TCF7L2: variants seen among roughly 807,000 people sequenced by gnomAD.
The protein encoded by TCF7L2 is transcription factor 7-like 2.
TCF7L2 carries 23 observed loss-of-function variants against 77.9 expected under a neutral mutation model. The observed-to-expected ratio is 0.30, with a 90% CI of 0.21 to 0.42. The LOEUF is 0.42. Ranked by LOEUF, TCF7L2 falls within the 10% of genes least tolerant of loss-of-function variation. The pLI is 1.00. For missense variants in TCF7L2, 654 were observed against 793.1 expected (o/e 0.82, Z 2.11); for synonymous variants, 413 against 340.2 (o/e 1.21, Z -2.36).
At chr10:113,113,570 T>C (rs554962475) in intron 5 of TCF7L2, among the ~76,000 whole-genome samples, 40 of 152,322 alleles carry the variant, frequency 2.6e-4, no homozygotes, top group African/African-American at 8.4e-4. Flanking sequence ...CTTAGAACAG[T>C]GTTCACCCCC....
chr10:113,130,238 A>G (rs767453214), intron 5 of TCF7L2, among the ~76,000 whole-genome samples: 60 of 152,218 alleles, frequency 3.9e-4, no homozygotes, highest in Admixed American at 6.5e-5. Flanking sequence ...CACTTTCATC[A>G]CAGTCCTTAC....
rs753482285 is a variant in TCF7L2 at position 113,132,217 on chromosome 10, AG to A, written c.553-8964del. 2.6e-5 allele frequency: 4 copies of A among 152,294 alleles called. No homozygotes were observed. The East Asian group carries it at 7.7e-4, about 29-fold the overall frequency. 9.4% of individuals were successfully genotyped at this position (152,294 alleles called of 1,614,324 possible). ...CTCTTGGCTTACCTCCTCTTTTTCT[AG>A]GGAGAAGATTTACCTGATCAGTGAA... On this transcript the variant is annotated intron_variant, in intron 5 of 13. Transcript: ENST00000627217.
chr10:113,151,160 G>A lies in TCF7L2; in HGVS notation c.1001+37G>A, dbSNP rs370554631. 9.3e-6 allele frequency: 15 copies of A among 1,613,346 alleles called. No individual in the cohort carries two copies. Among genetic ancestry groups the A allele is most frequent in the East Asian group, 2.2e-5 (1 of 44,868 alleles). On this transcript the variant is annotated intron_variant, in intron 9 of 13. Transcript: ENST00000627217. This position sits in a 1 kb window ranked among gnomAD's most constrained non-coding sequence, Gnocchi z 5.2. Reference sequence around the variant, plus strand: ...TGTTTTTCTCACCTTCTTCGTAGCCGCAGTGTTCTGCAAGCCTGTTGCAGC... The same window carrying A: ...TGTTTTTCTCACCTTCTTCGTAGCCACAGTGTTCTGCAAGCCTGTTGCAGC...
intron 3 of TCF7L2, among the ~76,000 whole-genome samples, chr10:112,962,979 A>G (rs1218974688): frequency 6.6e-6 from 1 of 152,180 alleles, no homozygotes; most frequent in East Asian, 1.9e-4. Context: ...TTTTAGGGCA[A>G]TGTGGTTCAT....
chr10:113,155,874 A>C (rs1167620900), intron 11 of TCF7L2, among the ~76,000 whole-genome samples: 1 of 152,224 alleles, frequency 6.6e-6, no homozygotes, highest in African/African-American at 2.4e-5. Flanking sequence ...CTTCATGATA[A>C]AGCACATGAG....
rs536330530 is a variant in TCF7L2 at position 113,143,165 on chromosome 10, G to T, written c.686-758G>T. Among the ~76,000 whole-genome samples, 3 of 152,352 alleles carry T rather than the reference G, an allele frequency of 2.0e-5. No individual in the cohort carries two copies. The East Asian group carries it at 5.8e-4, about 29-fold the overall frequency. ...GCTCCTGTGGAACTGGCAGATGTGC[G>T]GTGGCACGTACTTGCAGAATCCGCT... On this transcript the variant is annotated intron_variant, in intron 6 of 13. Transcript: ENST00000627217.
At chr10:113,148,839 C>T (rs1055924951) in intron 8 of TCF7L2, among the ~76,000 whole-genome samples, 3 of 152,090 alleles carry the variant, frequency 2.0e-5, no homozygotes, top group Admixed American at 6.5e-5. Flanking sequence ...GGAATATACG[C>T]GTAGGTATGG....
intron 5 of TCF7L2, among the ~76,000 whole-genome samples, chr10:113,106,413 G>A (rs11196229): frequency 0.19 from 28,504 of 152,108 alleles, 3,324 homozygotes; most frequent in Admixed American, 0.25. Context: ...GGCCACCTCC[G>A]ATTCAAGGGA....
At chr10:113,078,309 A>G (rs1290007985) in intron 5 of TCF7L2, among the ~76,000 whole-genome samples, 1 of 152,176 alleles carries the variant, frequency 6.6e-6, no homozygotes, top group African/African-American at 2.4e-5. Flanking sequence ...GGAACCAGAC[A>G]TTGGGTAAAG....
At chr10:113,161,654 CG>C in intron 13 of TCF7L2, 1 of 1,527,194 alleles carries the variant, frequency 6.5e-7, no homozygotes, top group Non-Finnish European at 8.8e-7. Context: ...GTGCCTCCCT[CG>C]TCACGTGTCC....
intron 5 of TCF7L2, among the ~76,000 whole-genome samples, chr10:113,121,421 C>T (rs2064753875): frequency 6.6e-6 from 1 of 152,194 alleles, no homozygotes; most frequent in Non-Finnish European, 1.5e-5. Flanking sequence ...TCTTTGAGCG[C>T]CAGCACTGTG....
chr10:113,085,957 C>T (rs749604102), intron 5 of TCF7L2, among the ~76,000 whole-genome samples: 8 of 152,316 alleles, frequency 5.3e-5, no homozygotes, highest in East Asian at 1.9e-4. Flanking sequence ...CTGCCAGTGG[C>T]GGTGACAGGG....
chr10:113,102,127 A>C (rs1029079976), intron 5 of TCF7L2, among the ~76,000 whole-genome samples: 4 of 146,776 alleles, frequency 2.7e-5, no homozygotes, highest in Admixed American at 6.9e-5. Context: ...AAAAAAAAAA[A>C]AAAAAAAAAA....
At chr10:113,159,984 C>T (rs2072857274) in intron 12 of TCF7L2, 1 of 1,613,886 alleles carries the variant, frequency 6.2e-7, no homozygotes, top group South Asian at 1.1e-5. Flanking sequence ...ACTGGTGCGG[C>T]CCTTGCAGGT....
chr10:112,951,282 GC>G lies in TCF7L2; in HGVS notation c.256+13del. On this transcript the variant is annotated intron_variant, in intron 2 of 13. Transcript: ENST00000627217. ...GGAAAGTTTGGAAGAAGGTGAGTAC[GC>G]CCCGCGCGCCCCGCAGCCGCCCGGA... is the stretch of plus-strand genomic sequence containing the variant. 7.2e-7 allele frequency: 1 copy of G among 1,380,046 alleles called. No individual in the cohort carries two copies. The highest frequency in any genetic ancestry group is 1.5e-5 in the South Asian group (1 of 67,226). 85.5% of individuals were successfully genotyped at this position (1,380,046 alleles called of 1,614,324 possible). A position where few individuals can be genotyped will look rare whatever the true frequency, so the allele number is the denominator to read the frequency against.
chr10:113,086,003 C>T (rs1412133876), intron 5 of TCF7L2, among the ~76,000 whole-genome samples: 1 of 152,176 alleles, frequency 6.6e-6, no homozygotes, highest in Non-Finnish European at 1.5e-5. Context: ...GGGGCAATTC[C>T]AGCAGGTGGG....
chr10:113,013,846 A>C (rs1404476083), intron 4 of TCF7L2, among the ~76,000 whole-genome samples: 1 of 152,086 alleles, frequency 6.6e-6, no homozygotes, highest in East Asian at 1.9e-4. Flanking sequence ...TTTATAGGGA[A>C]CCAAACAACG....
At chr10:112,979,727 G>C (rs1029433117) in intron 4 of TCF7L2, among the ~76,000 whole-genome samples, 1 of 151,654 alleles carries the variant, frequency 6.6e-6, no homozygotes, top group African/African-American at 2.4e-5. Flanking sequence ...CTGTACTCCA[G>C]CCTAGGTGAC....
intron 5 of TCF7L2, among the ~76,000 whole-genome samples, chr10:113,070,889 A>G (rs148746857): frequency 1.4e-3 from 213 of 152,172 alleles, no homozygotes; most frequent in African/African-American, 4.9e-3. Context: ...ATTTTAGAAC[A>G]TTTTCATCAC....
Sources: allele counts gnomAD v4.1 joint callset (sites outside exome capture counted in the v4.1 genomes callset), GRCh38; gene constraint gnomAD v4.1.1; non-coding constraint Gnocchi (gnomAD v3.1); transcripts MANE v1.5; gene names NCBI Gene and HGNC (gene_info 2026-07-23, HGNC 2026-07-21).